The following CAMKMT variants were observed in gnomAD, a reference collection of about 807,000 sequenced individuals.
CAMKMT encodes the protein CaM KMT.
CAMKMT carries 53 observed loss-of-function variants against 48.0 expected under a neutral mutation model. The ratio of observed to expected loss-of-function variants is 1.10; its 90% CI spans 0.89 to 1.39. The LOEUF (loss-of-function observed/expected upper bound fraction) is 1.39, where lower values mean the gene tolerates loss of function less well. Ranked by LOEUF, CAMKMT falls within the 40% of genes most tolerant of loss-of-function variation. The pLI, the probability that CAMKMT is intolerant of heterozygous loss-of-function variation, is 0.00. For missense variants in CAMKMT, 428 were observed against 402.7 expected (o/e 1.06, Z -0.54); for synonymous variants, 165 against 152.3 (o/e 1.08, Z -0.61).
chr2:44,772,268 T>C lies in CAMKMT; in HGVS notation c.*155T>C. 1.7e-6 allele frequency: 1 copy of C among 599,642 alleles called. No homozygotes were observed. The highest frequency in any genetic ancestry group is 2.8e-5 in the East Asian group (1 of 35,432). 37.1% of individuals were successfully genotyped at this position (599,642 alleles called of 1,614,324 possible). A position where few individuals can be genotyped will look rare whatever the true frequency, so the allele number is the denominator to read the frequency against. On this transcript the variant is annotated 3_prime_UTR_variant, in exon 11 of 11. Coordinates refer to ENST00000378494, the MANE Select transcript of CAMKMT (RefSeq NM_024766.5). ...CTCCACCTGTCCTCACCCACGTTATTCCCCAGCTGCCCTCTCCAGCTCCCT... is the reference window on the plus strand; with the variant it reads ...CTCCACCTGTCCTCACCCACGTTATCCCCCAGCTGCCCTCTCCAGCTCCCT...
intron 3 of CAMKMT, among the ~76,000 whole-genome samples, chr2:44,439,735 G>T (rs574796135): frequency 1.3e-4 from 20 of 152,012 alleles, no homozygotes; most frequent in Non-Finnish European, 2.4e-4. Context: ...CTACTCGGGA[G>T]GCTGAGGTAG....
chr2:44,712,415 T>A (rs960232065), intron 6 of CAMKMT, among the ~76,000 whole-genome samples: 2 of 152,092 alleles, frequency 1.3e-5, no homozygotes, highest in African/African-American at 4.8e-5. Context: ...TTTAACAATA[T>A]GATGCATACA....
intron 3 of CAMKMT, among the ~76,000 whole-genome samples, chr2:44,437,411 G>C (rs573777522): frequency 6.6e-6 from 1 of 152,304 alleles, no homozygotes; most frequent in African/African-American, 2.4e-5. Flanking sequence ...TAGTTGTTCT[G>C]TTGGGGAATA....
chr2:44,554,175 A>C (rs569289472), intron 3 of CAMKMT, among the ~76,000 whole-genome samples: 5 of 152,214 alleles, frequency 3.3e-5, no homozygotes, highest in Non-Finnish European at 7.3e-5. Flanking sequence ...TAGACATTCA[A>C]AGACAACTAA....
At chr2:44,704,803 G>T (rs1038229351) in intron 4 of CAMKMT, among the ~76,000 whole-genome samples, 1 of 151,772 alleles carries the variant, frequency 6.6e-6, no homozygotes, top group Non-Finnish European at 1.5e-5. Context: ...CCCACCCCTG[G>T]TTTTAAAGGT....
chr2:44,580,147 C>A (rs997096056), intron 3 of CAMKMT, among the ~76,000 whole-genome samples: 1 of 151,928 alleles, frequency 6.6e-6, no homozygotes, highest in Non-Finnish European at 1.5e-5. Context: ...TTTTAAGACT[C>A]TAAGTGCTTA....
At position 44,375,385 on chromosome 2, in the gene CAMKMT, CAG is replaced by C. The variant is rs1162483688; in HGVS notation, c.311+2499_311+2500del. 1.7e-4 allele frequency among the ~76,000 whole-genome samples: 26 copies of C among 149,968 alleles called. No individual in the cohort carries two copies. In the East Asian group the frequency reaches 4.1e-3, roughly 24 times the overall value. On this transcript the variant is annotated intron_variant, in intron 2 of 10. Transcript: ENST00000378494. ...CACCTTCTATATATATATAAAAAAA[CAG>C]AAATAAATATAAATATACAATACTA...
At chr2:44,721,450 C>T (rs1437018055) in intron 7 of CAMKMT, among the ~76,000 whole-genome samples, 1 of 152,120 alleles carries the variant, frequency 6.6e-6, no homozygotes, top group Non-Finnish European at 1.5e-5. Flanking sequence ...CCCTGCATTT[C>T]TAGTAGTTAC....
At chr2:44,640,002 A>G (rs962017425) in intron 3 of CAMKMT, among the ~76,000 whole-genome samples, 2 of 152,172 alleles carry the variant, frequency 1.3e-5, no homozygotes, top group Non-Finnish European at 2.9e-5. Context: ...GGAAGCATCT[A>G]TCAAGTACCC....
At chr2:44,488,551 A>C (rs1303372529) in intron 3 of CAMKMT, among the ~76,000 whole-genome samples, 1 of 151,964 alleles carries the variant, frequency 6.6e-6, no homozygotes, top group Non-Finnish European at 1.5e-5. Context: ...TGTATACAGA[A>C]ATTAGCCAGG....
chr2:44,465,086 A>T (rs1668040229), intron 3 of CAMKMT, among the ~76,000 whole-genome samples: 1 of 152,208 alleles, frequency 6.6e-6, no homozygotes, highest in African/African-American at 2.4e-5. Flanking sequence ...AACTATGTTA[A>T]TGAATATAAA....
intron 3 of CAMKMT, among the ~76,000 whole-genome samples, chr2:44,407,749 G>A (rs1682881604): frequency 6.6e-6 from 1 of 152,166 alleles, no homozygotes; most frequent in Admixed American, 6.5e-5. Flanking sequence ...GGCATCTTGG[G>A]TAGGTTAAGA....
At chr2:44,770,444 C>T (rs1383086091) in intron 10 of CAMKMT, among the ~76,000 whole-genome samples, 2 of 152,210 alleles carry the variant, frequency 1.3e-5, no homozygotes, top group African/African-American at 4.8e-5. Context: ...TTATTTATCC[C>T]ACATATTACC....
At chr2:44,742,355 T>TA (rs1468694828) in intron 7 of CAMKMT, among the ~76,000 whole-genome samples, 1 of 152,194 alleles carries the variant, frequency 6.6e-6, no homozygotes, top group Admixed American at 6.5e-5. Flanking sequence ...ATCTGGGTGT[T>TA]ACTGGACTTG....
In CAMKMT at chr2:44,399,630, A is replaced by G. The variant is rs563069384; in HGVS notation, c.376+9325A>G. On this transcript the variant is annotated intron_variant, in intron 3 of 10. Transcript: ENST00000378494. ...CTTAAATACAAAATAATCAAGAAAA[A>G]AAAAAAGCTAAGAAAAAATTCTAAC... Among the ~76,000 whole-genome samples the G allele has an allele frequency of 4.6e-5, 7 of 152,146 alleles. 1 individual carries two copies. The highest frequency in any genetic ancestry group is 1.7e-4 in the African/African-American group (7 of 41,516).
intron 3 of CAMKMT, among the ~76,000 whole-genome samples, chr2:44,673,283 A>G (rs1675438031): frequency 6.6e-6 from 1 of 151,812 alleles, no homozygotes; most frequent in African/African-American, 2.4e-5. Context: ...AAAAGTCAGC[A>G]GGGTATGGTG....
At chr2:44,622,451 G>A (rs1465504313) in intron 3 of CAMKMT, among the ~76,000 whole-genome samples, 1 of 152,178 alleles carries the variant, frequency 6.6e-6, no homozygotes, top group African/African-American at 2.4e-5. Flanking sequence ...CCCAGAAAGT[G>A]AGCATAGTAC....
At chr2:44,754,376 A>G (rs773158816) in intron 9 of CAMKMT, among the ~76,000 whole-genome samples, 44 of 152,214 alleles carry the variant, frequency 2.9e-4, no homozygotes, top group Non-Finnish European at 5.6e-4. Flanking sequence ...GTGTGAGGTT[A>G]TTTTTATCAA....
intron 9 of CAMKMT, among the ~76,000 whole-genome samples, chr2:44,758,022 C>G (rs1021165032): frequency 6.6e-6 from 1 of 152,204 alleles, no homozygotes; most frequent in African/African-American, 2.4e-5. Context: ...GTAGCAGGCC[C>G]TGTACTGGTT....
Sources: gnomAD v4.1 joint callset for allele counts (sites outside exome capture counted in the v4.1 genomes callset) on GRCh38, gnomAD v4.1.1 for gene constraint, MANE v1.5 for transcripts, NCBI Gene and HGNC (gene_info 2026-07-23, HGNC 2026-07-21) for gene names.